Variants in ZAR1 observed in about 807,000 individuals in gnomAD.
ZAR1 encodes the protein zygote arrest 1.
A neutral mutation model predicts 38.3 loss-of-function variants in ZAR1; 37 were observed. The ratio of observed to expected loss-of-function variants is 0.97; its 90% CI spans 0.74 to 1.27. The LOEUF (loss-of-function observed/expected upper bound fraction) is 1.27. Among genes scored for constraint, ZAR1 ranks in the 50% most tolerant of loss-of-function variants. The pLI is 0.00. For missense variants in ZAR1, 651 were observed against 632.4 expected, an observed-to-expected ratio of 1.03 and a Z score of -0.32; for synonymous variants, 336 against 292.0, an observed-to-expected ratio of 1.15 and a Z score of -1.53.
At chr4:48,496,059 C>G (rs1159615165), downstream of ZAR1, among the ~76,000 whole-genome samples, 3 of 152,286 alleles carry the variant, frequency 2.0e-5, no homozygotes, top group East Asian at 3.9e-4. Flanking sequence ...CTCAGCCTCT[C>G]AAGTGGCTGG....
At chr4:48,492,343 A>G (rs1179197555) in intron 1 of ZAR1, among the ~76,000 whole-genome samples, 5 of 152,230 alleles carry the variant, frequency 3.3e-5, no homozygotes, top group Non-Finnish European at 7.3e-5. Context: ...GGAGTTAACT[A>G]GCAGCATGAA....
chr4:48,492,915 G>A (rs1718486589), intron 2 of ZAR1, 23 bp from the exon 3 acceptor site: 2 of 1,614,154 alleles, frequency 1.2e-6, no homozygotes, highest in African/African-American at 2.7e-5. Flanking sequence ...GCGATTTTAA[G>A]TTTATCCTCT....
chr4:48,493,905 A>T (rs183593883), intron 3 of ZAR1, among the ~76,000 whole-genome samples, 196 bp from the exon 4 acceptor site: 87 of 152,358 alleles, frequency 5.7e-4, no homozygotes, highest in Non-Finnish European at 8.8e-4. Flanking sequence ...GCAGCAGTAC[A>T]GCATGGTTAA....
chr4:48,492,734 TGTTG>T (rs1487884900), intron 1 of ZAR1, 28 bp from the exon 2 acceptor site: 1 of 1,591,302 alleles, frequency 6.3e-7, no homozygotes, highest in African/African-American at 1.3e-5. Flanking sequence ...TCAGGTGTTT[TGTTG>T]GTTAAATTGA....
At position 48,494,370 on chromosome 4, in the gene ZAR1, A is replaced by G. The variant is rs1409403839; in HGVS notation, c.*126A>G. The G allele has an allele frequency of 7.2e-6, 9 of 1,244,076 alleles. No homozygotes were observed. The Admixed American group carries it at 8.8e-5, about 12-fold the overall frequency. 77.1% of individuals were successfully genotyped at this position (1,244,076 alleles called of 1,614,324 possible). On this transcript the variant is annotated 3_prime_UTR_variant, in exon 4 of 4. Coordinates refer to ENST00000327939, the MANE Select transcript of ZAR1 (RefSeq NM_175619.3). ...CAGTGTATTCTGAAAAAGCCTTCAA[A>G]TAAAGGTATTGCAACACGATTTATA...
At chr4:48,493,971 A>G in intron 3 of ZAR1, 130 bp from the exon 4 acceptor site, 1 of 1,170,872 alleles carries the variant, frequency 8.5e-7, no homozygotes, top group Non-Finnish European at 1.2e-6. Flanking sequence ...TAGAGGGAAA[A>G]CAAGATTACT....
intron 1 of ZAR1, among the ~76,000 whole-genome samples, chr4:48,492,136 G>T (rs561375040): frequency 1.1e-3 from 167 of 152,332 alleles, no homozygotes; most frequent in Non-Finnish European, 1.9e-3. Context: ...TGGACTTAGC[G>T]CAGTCTCACA....
At chr4:48,492,373 C>T (rs977255358) in intron 1 of ZAR1, among the ~76,000 whole-genome samples, 1 of 152,122 alleles carries the variant, frequency 6.6e-6, no homozygotes, top group Non-Finnish European at 1.5e-5. Context: ...CTTGGGTGAA[C>T]CTTTAAAGTT....
intron 1 of ZAR1, among the ~76,000 whole-genome samples, chr4:48,492,447 T>G (rs1180858593): frequency 6.6e-6 from 1 of 152,188 alleles, no homozygotes; most frequent in Non-Finnish European, 1.5e-5. Flanking sequence ...AAGATCAGGC[T>G]TTATCTTAAA....
chr4:48,496,273 T>G (rs10031777), downstream of ZAR1, among the ~76,000 whole-genome samples: 2 of 151,896 alleles, frequency 1.3e-5, no homozygotes, highest in African/African-American at 4.8e-5. Flanking sequence ...GATGTGTTTT[T>G]TACTGGTTCG....
Position 48,490,365 on chromosome 4 carries a change from C to T in ZAR1, c.74C>T (p.Pro25Leu), listed in dbSNP as rs775982701. 2 of 1,507,226 alleles carry T rather than the reference C, an allele frequency of 1.3e-6. No homozygotes were observed. The highest frequency in any genetic ancestry group is 1.2e-5 in the South Asian group (1 of 81,426). 93.4% of individuals were successfully genotyped at this position (1,507,226 alleles called of 1,614,324 possible). A position where few individuals can be genotyped will look rare whatever the true frequency, so the allele number is the denominator to read the frequency against. The part of the protein sequence containing the change: ...PACPPCSYRY[P>L]YPAATKGKGA... ...TGCCCCCCCTGCTCGTACCGGTACC[C>T]ATACCCCGCGGCCACCAAGGGCAAG... Residue 25 changes from proline (P) to leucine (L), a missense_variant, in exon 1 of 4, where the codon CCA becomes CTA. Coordinates refer to ENST00000327939, the MANE Select transcript of ZAR1 (RefSeq NM_175619.3).
Position 48,492,815 on chromosome 4 carries a change from G to A in ZAR1, c.1013G>A (p.Arg338His), listed in dbSNP as rs756437431. The A allele has an allele frequency of 1.9e-6, 3 of 1,614,198 alleles. No homozygotes were observed. The highest frequency in any genetic ancestry group is 8.5e-7 in the Non-Finnish European group (1 of 1,180,044). The change falls in exon 2 of 4, where the codon CGC (arginine) becomes CAC (histidine). Residue 338 changes from arginine to histidine, a missense_variant. This residue lies in a region of ZAR1 where 129 missense variants were observed against 172.5 expected (regional missense o/e 0.75). Coordinates refer to ENST00000327939, the MANE Select transcript of ZAR1 (RefSeq NM_175619.3). ...GYYHCKDCNIRWESAYVWCVQ... is the reference protein window; with the variant it reads ...GYYHCKDCNIHWESAYVWCVQ... The stretch of plus-strand genomic sequence containing the variant: ...TACCACTGCAAGGACTGCAACATCC[G>A]CTGGGAGAGTGCTTATGTGTGGTGT...
At position 48,490,909 on chromosome 4, in the gene ZAR1, C is replaced by A; in HGVS notation, c.618C>A (p.Ser206=). ...GPGPAAGEQR[S]GASDGERGPP... ...GGCCCGCGGCGGGCGAGCAGAGGTC[C>A]GGGGCGTCGGACGGAGAGAGGGGGC... The change falls in exon 1 of 4, where the codon TCC becomes TCA. Residue 206 remains serine, a synonymous_variant. Transcript: ENST00000327939. 1.5e-6 allele frequency: 2 copies of A among 1,365,488 alleles called. No homozygotes were observed. Among genetic ancestry groups the A allele is most frequent in the South Asian group, 3.4e-5 (2 of 58,852 alleles). The allele number at this position is 1,365,488 out of a possible 1,614,324, so 84.6% of individuals were successfully genotyped here. A position where few individuals can be genotyped will look rare whatever the true frequency, so the allele number is the denominator to read the frequency against.
downstream of ZAR1, chr4:48,494,457 C>T (rs561778287): frequency 1.2e-5 from 7 of 584,092 alleles, no homozygotes; most frequent in East Asian, 2.0e-4. Context: ...TGCTAACAGT[C>T]TGGGCCTGTC....
downstream of ZAR1, among the ~76,000 whole-genome samples, chr4:48,495,790 G>A (rs1718577360): frequency 6.6e-6 from 1 of 152,210 alleles, no homozygotes. Context: ...AGGCAAAAAT[G>A]GAGAGGGGAA....
chr4:48,490,817 C>T lies in ZAR1; in HGVS notation c.526C>T (p.Pro176Ser). 6.6e-7 allele frequency: 1 copy of T among 1,509,148 alleles called. No homozygotes were observed. Among genetic ancestry groups the T allele is most frequent in the Non-Finnish European group, 8.8e-7 (1 of 1,137,018 alleles). The allele number at this position is 1,509,148 out of a possible 1,614,324, so 93.5% of individuals were successfully genotyped here. The stretch of plus-strand genomic sequence containing the variant: ...CGGCGCCCCGCGGCCCATGCGCTTC[C>T]CGCGCACCGTCGCCGTGTACTCGCC... ...QNGAPRPMRF[P>S]RTVAVYSPLA... Residue 176 changes from proline to serine, a missense_variant, in exon 1 of 4, where the codon CCG becomes TCG. This residue lies in a region of ZAR1 where 522 missense variants were observed against 459.9 expected (regional missense o/e 1.14). Transcript: ENST00000327939.
At chr4:48,496,796 A>G (rs1400652909), downstream of ZAR1, among the ~76,000 whole-genome samples, 1 of 152,224 alleles carries the variant, frequency 6.6e-6, no homozygotes, top group Admixed American at 6.5e-5. Flanking sequence ...TTTCTAAAGG[A>G]ACCATGGATT....
At chr4:48,491,499 G>A (rs1718442298) in intron 1 of ZAR1, among the ~76,000 whole-genome samples, 1 of 152,232 alleles carries the variant, frequency 6.6e-6, no homozygotes, top group Non-Finnish European at 1.5e-5. Flanking sequence ...GACGCCCTTG[G>A]GACGTTCTTA....
At position 48,490,922 on chromosome 4, in the gene ZAR1, GGA is replaced by G; in HGVS notation, c.637_638del (p.Arg213GlyfsTer138). On this transcript the variant is annotated frameshift_variant, in exon 1 of 4. Transcript: ENST00000327939. LOFTEE classifies it high-confidence loss of function. ...AGEQRSGASD[G>X]ERGPPPARLQ... ...CGAGCAGAGGTCCGGGGCGTCGGAC[GGA>G]GAGAGGGGGCCGCCGCCCGCGCGGC... 1 of 1,346,596 alleles carries G rather than the reference GGA, an allele frequency of 7.4e-7. No individual in the cohort carries two copies. Among genetic ancestry groups the G allele is most frequent in the African/African-American group, 1.5e-5 (1 of 65,252 alleles). The allele number at this position is 1,346,596 out of a possible 1,614,324, so 83.4% of individuals were successfully genotyped here. A position where few individuals can be genotyped will look rare whatever the true frequency, so the allele number is the denominator to read the frequency against.
Sources: gnomAD v4.1 joint callset for allele counts (sites outside exome capture counted in the v4.1 genomes callset) on GRCh38, gnomAD v4.1.1 for gene constraint, gnomAD v4.1.1 regional missense constraint, MANE v1.5 for transcripts, NCBI Gene and HGNC (gene_info 2026-07-23, HGNC 2026-07-21) for gene names.